Variants in ANK1 observed in about 807,000 individuals in gnomAD.
ANK1 encodes ankyrin 1, also known as ankyrin-1.
Under a neutral mutation model 210.4 loss-of-function variants are expected in ANK1, and 51 were observed. That is an observed-to-expected ratio of 0.24 (90% CI 0.19 to 0.31). The LOEUF is 0.31. ANK1 is among the 10% of genes least tolerant of loss of function. The pLI, the probability that ANK1 is intolerant of heterozygous loss-of-function variation, is 1.00. For synonymous variants in ANK1, 967 were observed against 1,025.9 expected (o/e 0.94, Z 1.10); for missense variants, 2,051 against 2,504.4 (o/e 0.82, Z 3.86).
Position 41,690,308 on chromosome 8 carries a change from C to T in ANK1, c.4023G>A (p.Ser1341=), listed in dbSNP as rs371816885. ...DSSREPGGSL[S]FLRKAMKYED... ...CGTACTTCATCGCCTTGCGCAGAAA[C>T]GACAGGGACCCTCCCGGCTCTCGAC... The change falls in exon 33 of 43, where the codon TCG becomes TCA. Residue 1341 remains serine (S), a synonymous_variant. Coordinates refer to ENST00000289734, the MANE Select transcript of ANK1 (RefSeq NM_000037.4). The T allele has an allele frequency of 5.0e-6, 8 of 1,614,126 alleles. No homozygotes were observed. The highest frequency in any genetic ancestry group is 3.3e-5 in the Admixed American group (2 of 60,008).
Position 41,655,394 on chromosome 8 carries a change from T to TA in ANK1, c.*395dup, listed in dbSNP as rs1302459225. On this transcript the variant is annotated 3_prime_UTR_variant, in exon 43 of 43. Transcript: ENST00000289734. Reference sequence around the variant, plus strand: ...TACCCTGTACGAAGTCAAAACAATTTAAAAAAAAAACCCCAAAACCAAAAC... The same window carrying TA: ...TACCCTGTACGAAGTCAAAACAATTTAAAAAAAAAAACCCCAAAACCAAAAC... The TA allele has an allele frequency of 9.4e-3, 2,551 of 271,278 alleles. No individual in the cohort carries two copies. Among genetic ancestry groups the TA allele is most frequent in the Middle Eastern group, 0.024 (21 of 866 alleles). 16.8% of individuals were successfully genotyped at this position (271,278 alleles called of 1,614,324 possible).
At chr8:41,857,123 G>T (rs988925036) in intron 1 of ANK1, among the ~76,000 whole-genome samples, 1 of 150,858 alleles carries the variant, frequency 6.6e-6, no homozygotes, top group East Asian at 2.0e-4. Flanking sequence ...AAAATGATTC[G>T]CTGGCCTCAG....
At chr8:41,880,654 C>T (rs746006820) in intron 1 of ANK1, among the ~76,000 whole-genome samples, 5 of 152,312 alleles carry the variant, frequency 3.3e-5, no homozygotes, top group South Asian at 4.1e-4. Context: ...CTGAGCTGCG[C>T]GAGGCACACA....
intron 1 of ANK1, among the ~76,000 whole-genome samples, chr8:41,862,391 C>A (rs529267136): frequency 9.2e-5 from 14 of 152,288 alleles, no homozygotes; most frequent in Non-Finnish European, 1.8e-4. Context: ...CAGCCCTGAA[C>A]AGAGAGAGCA....
chr8:41,677,413 T>C (rs1814519233), intron 37 of ANK1, among the ~76,000 whole-genome samples: 1 of 152,174 alleles, frequency 6.6e-6, no homozygotes, highest in Non-Finnish European at 1.5e-5. Flanking sequence ...CTCTTCTTTT[T>C]CTAATTTCTT....
rs771828749 is a variant in ANK1, at chr8:41,655,232, T to C, written c.*558A>G. On this transcript the variant is annotated 3_prime_UTR_variant, in exon 43 of 43. Coordinates refer to ENST00000289734, the MANE Select transcript of ANK1 (RefSeq NM_000037.4). ...GTGTCACAAGTGGAATGGAGGTATG[T>C]GGGTTGGGGAGGGTGGGCAGATGAG... is the stretch of plus-strand genomic sequence containing the variant. 32 of 143,152 alleles carry C rather than the reference T, an allele frequency of 2.2e-4. No homozygotes were observed. The highest frequency in any genetic ancestry group is 2.2e-4 in the Non-Finnish European group (15 of 68,246). The allele number at this position is 143,152 out of a possible 1,614,324, so 8.9% of individuals were successfully genotyped here.
chr8:41,795,202 G>T (rs112662225), intron 1 of ANK1, among the ~76,000 whole-genome samples: 2,758 of 152,276 alleles, frequency 0.018, 30 homozygotes, highest in African/African-American at 0.025. Context: ...GGGGTGAGAG[G>T]TGGCAACCTG....
At chr8:41,828,245 A>C (rs1486998315) in intron 1 of ANK1, 1 of 153,122 alleles carries the variant, frequency 6.5e-6, no homozygotes, top group Non-Finnish European at 1.5e-5. Context: ...GTTCCCGCCC[A>C]TCCTCCCGCT....
chr8:41,847,663 G>A (rs183929934), intron 1 of ANK1, among the ~76,000 whole-genome samples: 2 of 152,248 alleles, frequency 1.3e-5, no homozygotes, highest in Admixed American at 1.3e-4. Context: ...CTAAGTTCCT[G>A]CTCTAACGTA....
chr8:41,774,553 T>G (rs1337737282), intron 1 of ANK1, among the ~76,000 whole-genome samples: 2 of 152,224 alleles, frequency 1.3e-5, no homozygotes, highest in Non-Finnish European at 2.9e-5. Context: ...CAACCTGCCC[T>G]GCCCATCCTT....
chr8:41,740,921 G>T (rs539151907), intron 2 of ANK1, among the ~76,000 whole-genome samples: 1 of 152,226 alleles, frequency 6.6e-6, no homozygotes, highest in African/African-American at 2.4e-5. Context: ...TTACAGGTAG[G>T]CTGGGCTGGC....
In ANK1 at chr8:41,696,444, C is replaced by T; in HGVS notation, c.2879G>A (p.Ser960Asn). 1 of 1,613,340 alleles carries T rather than the reference C, an allele frequency of 6.2e-7. No individual in the cohort carries two copies. Among genetic ancestry groups the T allele is most frequent in the Non-Finnish European group, 8.5e-7 (1 of 1,179,908 alleles). ...TCRLVKPQKL[S>N]TPPPLAEEEG... ...CTCCTCGGCCAGTGGGGGCGGCGTG[C>T]TGAGCTTCTGGGGCTTGACCAGGCG... Residue 960 changes from serine (S) to asparagine (N), a missense_variant, in exon 26 of 43, where the codon AGC (serine) becomes AAC (asparagine). This residue lies in a region of ANK1 where 1,413 missense variants were observed against 1,707.4 expected (regional missense o/e 0.83). Transcript: ENST00000289734.
intron 1 of ANK1, among the ~76,000 whole-genome samples, chr8:41,842,920 C>T (rs752806133): frequency 2.6e-5 from 4 of 152,186 alleles, no homozygotes; most frequent in Admixed American, 2.0e-4. Context: ...GATCTCCGCT[C>T]ACTGCAACCT....
chr8:41,715,784 C>T lies in ANK1; in HGVS notation c.1470G>A (p.Leu490=). The T allele has an allele frequency of 6.2e-7, 1 of 1,614,248 alleles. No individual in the cohort carries two copies. The highest frequency in any genetic ancestry group is 8.5e-7 in the Non-Finnish European group (1 of 1,180,044). The change falls in exon 14 of 43, where the codon CTG becomes CTA. Residue 490 remains leucine, a synonymous_variant. Coordinates refer to ENST00000289734, the MANE Select transcript of ANK1 (RefSeq NM_000037.4). ...IGHTNMVKLL[L]ENNANPNLAT... ...CCAGGTTGGGGTTGGCGTTATTTTC[C>T]AGCAGGAGCTTCACCATGTTTGTGT...
intron 1 of ANK1, among the ~76,000 whole-genome samples, chr8:41,763,774 A>G (rs943305332): frequency 1.3e-5 from 2 of 151,898 alleles, no homozygotes; most frequent in Non-Finnish European, 2.9e-5. Context: ...GTCACTGAGG[A>G]TAAAATTGAG....
Position 41,797,010 on chromosome 8 carries a change from G to C in ANK1, c.27+502C>G, listed in dbSNP as rs1392744272. Among the ~76,000 whole-genome samples the C allele has an allele frequency of 5.3e-5, 8 of 152,246 alleles. No homozygotes were observed. Among genetic ancestry groups the C allele is most frequent in the Admixed American group, 5.2e-4 (8 of 15,296 alleles). On this transcript the variant is annotated intron_variant, in intron 1 of 42. Coordinates refer to ENST00000289734, the MANE Select transcript of ANK1 (RefSeq NM_000037.4). This position sits in a 1 kb window ranked among gnomAD's most constrained non-coding sequence, Gnocchi z 4.0. Reference sequence around the variant, plus strand: ...TAACAACATAAATTAAAAGAACCGAGCAGGTGTGACCATGAGACCACCGGC... The same window carrying C: ...TAACAACATAAATTAAAAGAACCGACCAGGTGTGACCATGAGACCACCGGC...
chr8:41,783,258 T>C (rs1420796417), intron 1 of ANK1, among the ~76,000 whole-genome samples: 1 of 152,200 alleles, frequency 6.6e-6, no homozygotes, highest in African/African-American at 2.4e-5. Context: ...CATGCAACTG[T>C]CCCTCCTCCC....
chr8:41,698,063 T>C lies in ANK1; in HGVS notation c.2617A>G (p.Arg873Gly), dbSNP rs374689555. The change falls in exon 24 of 43, where the codon AGG becomes GGG. Residue 873 changes from arginine to glycine, a missense_variant. By Grantham distance (125) the Arg-to-Gly change is moderately radical (BLOSUM62 -2). This residue lies in a region of ANK1 where 1,413 missense variants were observed against 1,707.4 expected (regional missense o/e 0.83). Coordinates refer to ENST00000289734, the MANE Select transcript of ANK1 (RefSeq NM_000037.4). ...PCAMPETVVI[R>G]SEEQEQASKE... is the part of the protein sequence containing the mutation. ...CTCACCTGCTCCTGCTCTTCTGACC[T>C]GATCACCACTGTCTCAGGCATGGCA... 5.3e-5 allele frequency: 85 copies of C among 1,614,010 alleles called. No individual in the cohort carries two copies. The highest frequency in any genetic ancestry group is 7.1e-5 in the Non-Finnish European group (84 of 1,180,024).
intron 16 of ANK1, among the ~76,000 whole-genome samples, chr8:41,711,728 T>C (rs1826182100): frequency 6.6e-6 from 1 of 152,212 alleles, no homozygotes; most frequent in African/African-American, 2.4e-5. Context: ...TGTATTGATT[T>C]ACGTCTTTGC....
Sources: gnomAD v4.1 joint callset for allele counts (sites outside exome capture counted in the v4.1 genomes callset) on GRCh38, gnomAD v4.1.1 for gene constraint, gnomAD v4.1.1 regional missense constraint, Gnocchi (gnomAD v3.1) non-coding constraint, MANE v1.5 for transcripts, NCBI Gene and HGNC (gene_info 2026-07-23, HGNC 2026-07-21) for gene names.